ATG5: variants seen among roughly 807,000 people sequenced by gnomAD.
The protein encoded by ATG5 is autophagy protein 5.
Under a neutral mutation model 36.5 loss-of-function variants are expected in ATG5, and 14 were observed. That is an observed-to-expected ratio of 0.38 (90% CI 0.25 to 0.60). The LOEUF is 0.60. Among genes scored for constraint, ATG5 ranks in the 20% least tolerant of loss-of-function variants. The probability of loss-of-function intolerance (pLI) is 0.60; values close to 1 mark genes in which losing one functional copy is unlikely to be tolerated. For missense variants in ATG5, 195 were observed against 326.7 expected (o/e 0.60, Z 3.11); for synonymous variants, 95 against 101.5 (o/e 0.94, Z 0.38).
intron 7 of ATG5, among the ~76,000 whole-genome samples, chr6:106,191,434 A>T (rs1050264709): frequency 3.9e-5 from 6 of 152,108 alleles, no homozygotes; most frequent in African/African-American, 1.4e-4. Context: ...GATCACTAAC[A>T]CGTCTCCCAG....
At chr6:106,251,987 T>C (rs969570195) in intron 5 of ATG5, among the ~76,000 whole-genome samples, 7 of 151,988 alleles carry the variant, frequency 4.6e-5, no homozygotes, top group African/African-American at 1.7e-4. Context: ...GTTATAGGCA[T>C]GCATCATCAC....
At chr6:106,272,750 C>T (rs1000872614) in intron 5 of ATG5, among the ~76,000 whole-genome samples, 5 of 152,206 alleles carry the variant, frequency 3.3e-5, no homozygotes, top group Admixed American at 6.5e-5. Flanking sequence ...CTAGCTAATC[C>T]ACACTACTAC....
intron 5 of ATG5, among the ~76,000 whole-genome samples, chr6:106,254,171 T>C (rs1453456824): frequency 6.6e-6 from 1 of 152,210 alleles, no homozygotes; most frequent in African/African-American, 2.4e-5. Flanking sequence ...CATAACTGCT[T>C]CTCATCATTC....
At chr6:106,237,736 G>A (rs1048466685) in intron 6 of ATG5, among the ~76,000 whole-genome samples, 16 of 152,228 alleles carry the variant, frequency 1.1e-4, no homozygotes, top group Admixed American at 8.5e-4. Flanking sequence ...TGTATGATAT[G>A]AACATTATAG....
chr6:106,269,483 G>A (rs797003412), intron 5 of ATG5, among the ~76,000 whole-genome samples: 31 of 152,348 alleles, frequency 2.0e-4, no homozygotes, highest in African/African-American at 7.0e-4. Context: ...AGGCTTGGCC[G>A]CACAGGAGCC....
chr6:106,214,365 C>T (rs1776961807), intron 6 of ATG5, among the ~76,000 whole-genome samples: 2 of 152,034 alleles, frequency 1.3e-5, no homozygotes, highest in African/African-American at 4.8e-5. Context: ...TACTTTTATC[C>T]TTTATGTAGA....
chr6:106,296,946 G>A (rs1229926395), intron 3 of ATG5, among the ~76,000 whole-genome samples: 1 of 152,192 alleles, frequency 6.6e-6, no homozygotes, highest in Non-Finnish European at 1.5e-5. Flanking sequence ...AGAGGAAGAT[G>A]TTTCACAATT....
At chr6:106,227,764 G>GT (rs1777503401) in intron 6 of ATG5, among the ~76,000 whole-genome samples, 1 of 152,232 alleles carries the variant, frequency 6.6e-6, no homozygotes, top group African/African-American at 2.4e-5. Context: ...ACATAATACT[G>GT]TAACTGTTCT....
At chr6:106,233,892 G>A (rs113782666) in intron 6 of ATG5, among the ~76,000 whole-genome samples, 2 of 151,972 alleles carry the variant, frequency 1.3e-5, no homozygotes, top group Non-Finnish European at 2.9e-5. Flanking sequence ...TGAAGAATGC[G>A]GCTTCCCAGA....
chr6:106,252,131 T>G (rs76722221), intron 5 of ATG5, among the ~76,000 whole-genome samples: 2,860 of 152,260 alleles, frequency 0.019, 43 homozygotes, highest in South Asian at 0.042. Context: ...TGAGCCACCG[T>G]GCAGAGCCAA....
chr6:106,214,999 T>C (rs1410176643), intron 6 of ATG5, among the ~76,000 whole-genome samples: 4 of 152,180 alleles, frequency 2.6e-5, no homozygotes, highest in Non-Finnish European at 5.9e-5. Context: ...AATTTCATTA[T>C]ATATAATAGC....
intron 6 of ATG5, among the ~76,000 whole-genome samples, chr6:106,214,979 G>A (rs569987676): frequency 1.3e-5 from 2 of 152,198 alleles, no homozygotes; most frequent in East Asian, 3.9e-4. Flanking sequence ...ACCAAGGGAA[G>A]TATAGTTTAA....
intron 3 of ATG5, among the ~76,000 whole-genome samples, chr6:106,302,370 T>C (rs1770251604): frequency 6.6e-6 from 1 of 152,084 alleles, no homozygotes; most frequent in Non-Finnish European, 1.5e-5. Flanking sequence ...TGCTTTAGTG[T>C]TTGGCTTTAT....
At chr6:106,313,336 G>A (rs996539362) in intron 2 of ATG5, among the ~76,000 whole-genome samples, 5 of 152,190 alleles carry the variant, frequency 3.3e-5, no homozygotes, top group Admixed American at 1.3e-4. Flanking sequence ...GAAGGAAGAG[G>A]TCAGGGCTCA....
Position 106,236,404 on chromosome 6 carries a change from A to T in ATG5, c.573+11746T>A, listed in dbSNP as rs969504790. Among the ~76,000 whole-genome samples, 21 of 152,338 alleles carry T rather than the reference A, an allele frequency of 1.4e-4. No homozygotes were observed. In the East Asian group the frequency reaches 3.9e-3, roughly 28 times the overall value. On this transcript the variant is annotated intron_variant, in intron 6 of 7. Coordinates refer to ENST00000369076, the MANE Select transcript of ATG5 (RefSeq NM_004849.4). ...ATGTTGAATTTTGAAAGAAACTGGT[A>T]AACTCTTGTCTAAAGTGATTTGTAC... is the stretch of plus-strand genomic sequence containing the variant.
intron 6 of ATG5, among the ~76,000 whole-genome samples, chr6:106,235,336 C>T (rs1407568866): frequency 6.6e-6 from 1 of 152,182 alleles, no homozygotes; most frequent in Non-Finnish European, 1.5e-5. Flanking sequence ...CTAGCCCATG[C>T]TCCAATTGTA....
At chr6:106,202,288 C>G in intron 6 of ATG5, 199 bp from the exon 7 acceptor site, 1 of 454,516 alleles carries the variant, frequency 2.2e-6, no homozygotes, top group Non-Finnish European at 3.9e-6. Flanking sequence ...TCTGAGGAAA[C>G]AGACAAATCC....
At chr6:106,250,034 A>G (rs1025536411) in intron 5 of ATG5, among the ~76,000 whole-genome samples, 1 of 152,084 alleles carries the variant, frequency 6.6e-6, no homozygotes, top group Non-Finnish European at 1.5e-5. Context: ...CCCGTTCTGT[A>G]CATTGTTTTT....
chr6:106,258,014 C>T (rs1778863774), intron 5 of ATG5, among the ~76,000 whole-genome samples: 1 of 152,084 alleles, frequency 6.6e-6, no homozygotes, highest in Admixed American at 6.6e-5. Flanking sequence ...AGAGATTGTT[C>T]CTTTCACTTA....
Sources: gnomAD v4.1 joint callset for allele counts (sites outside exome capture counted in the v4.1 genomes callset) on GRCh38, gnomAD v4.1.1 for gene constraint, MANE v1.5 for transcripts, NCBI Gene and HGNC (gene_info 2026-07-23, HGNC 2026-07-21) for gene names.